Variants in COG5 observed in about 807,000 individuals in gnomAD.
The protein encoded by COG5 is conserved oligomeric Golgi complex subunit 5.
COG5 carries 86 observed loss-of-function variants against 110.4 expected under a neutral mutation model. That is an observed-to-expected ratio of 0.78 (90% CI 0.65 to 0.93). COG5 has a LOEUF of 0.93. Among genes scored for constraint, COG5 ranks in the 40% least tolerant of loss-of-function variants. The pLI, the probability that COG5 is intolerant of heterozygous loss-of-function variation, is 0.00. For missense variants in COG5, 1,077 were observed against 987.0 expected, an observed-to-expected ratio of 1.09 and a Z score of -1.22; for synonymous variants, 360 against 334.6, an observed-to-expected ratio of 1.08 and a Z score of -0.83.
At chr7:107,545,601 G>A (rs1447187054) in intron 5 of COG5, among the ~76,000 whole-genome samples, 9 of 151,952 alleles carry the variant, frequency 5.9e-5, no homozygotes, top group Admixed American at 1.3e-4. Flanking sequence ...CCAAGAAGGC[G>A]AAATGCCATC....
intron 11 of COG5, among the ~76,000 whole-genome samples, chr7:107,320,954 C>T (rs1017429438): frequency 6.6e-6 from 1 of 152,148 alleles, no homozygotes; most frequent in African/African-American, 2.4e-5. Flanking sequence ...ACCCCCACCT[C>T]CCAGTAATGA....
chr7:107,315,867 G>A (rs936961758), intron 11 of COG5, among the ~76,000 whole-genome samples: 5 of 152,156 alleles, frequency 3.3e-5, no homozygotes, highest in African/African-American at 1.2e-4. Flanking sequence ...GGTATTAGAA[G>A]TAGCAGGCTA....
At chr7:107,210,284 G>C (rs113038919) in intron 21 of COG5, 1 of 1,403,246 alleles carries the variant, frequency 7.1e-7, no homozygotes, top group Admixed American at 2.9e-5. Context: ...GGGTTGCATG[G>C]GACACAGGAT....
At chr7:107,425,637 G>A (rs1329011202) in intron 6 of COG5, among the ~76,000 whole-genome samples, 2 of 151,974 alleles carry the variant, frequency 1.3e-5, no homozygotes, top group Non-Finnish European at 2.9e-5. Context: ...CAAATTTTAA[G>A]GGCTTTAAGT....
At chr7:107,444,429 C>CA in intron 6 of COG5, among the ~76,000 whole-genome samples, 1 of 152,092 alleles carries the variant, frequency 6.6e-6, no homozygotes, top group Non-Finnish European at 1.5e-5. Context: ...CCAAATGGTT[C>CA]AGGATTTTAT....
chr7:107,447,677 T>C (rs911617181), intron 6 of COG5, among the ~76,000 whole-genome samples: 1 of 152,180 alleles, frequency 6.6e-6, no homozygotes, highest in African/African-American at 2.4e-5. Flanking sequence ...ATATTATCTA[T>C]AAGATGAAAC....
At chr7:107,545,779 C>CAAAAAAAAA (rs59515448) in intron 5 of COG5, among the ~76,000 whole-genome samples, 139 of 69,592 alleles carry the variant, frequency 2.0e-3, no homozygotes, top group Non-Finnish European at 2.4e-3. Flanking sequence ...GACTCCATCT[C>CAAAAAAAAA]AAAAAAAAAA....
chr7:107,288,933 T>C (rs867887145), intron 12 of COG5, among the ~76,000 whole-genome samples: 1 of 108,194 alleles, frequency 9.2e-6, no homozygotes, highest in Non-Finnish European at 1.7e-5. Context: ...TATATATATA[T>C]ATATATATAT....
intron 7 of COG5, among the ~76,000 whole-genome samples, chr7:107,396,672 G>T (rs1791039428): frequency 6.6e-6 from 1 of 151,888 alleles, no homozygotes; most frequent in African/African-American, 2.4e-5. Flanking sequence ...TGATCAATAT[G>T]GAGAAGAAGA....
chr7:107,532,785 C>G (rs1182549055), intron 5 of COG5, among the ~76,000 whole-genome samples: 1 of 152,108 alleles, frequency 6.6e-6, no homozygotes, highest in African/African-American at 2.4e-5. Context: ...AATACCTGAG[C>G]AACAAAACAA....
At chr7:107,390,455 A>T (rs1189439244) in intron 7 of COG5, among the ~76,000 whole-genome samples, 2 of 152,130 alleles carry the variant, frequency 1.3e-5, no homozygotes, top group Non-Finnish European at 2.9e-5. Flanking sequence ...AATTAAACTG[A>T]AACTAGTAGC....
At chr7:107,519,968 C>T (rs549992613) in intron 6 of COG5, among the ~76,000 whole-genome samples, 27 of 152,110 alleles carry the variant, frequency 1.8e-4, no homozygotes, top group Non-Finnish European at 2.2e-4. Context: ...GCTTCATCCA[C>T]GGGATGCAAG....
At chr7:107,258,450 T>C (rs113762913) in intron 14 of COG5, 67 bp from the exon 15 acceptor site, 5 of 703,684 alleles carry the variant, frequency 7.1e-6, no homozygotes, top group Non-Finnish European at 1.3e-5. Flanking sequence ...TCTCTCTCTC[T>C]CACACACACA....
intron 2 of COG5, among the ~76,000 whole-genome samples, chr7:107,557,472 A>C (rs919326515): frequency 1.3e-5 from 2 of 152,206 alleles, no homozygotes; most frequent in African/African-American, 2.4e-5. Context: ...AGACTCAAAG[A>C]CTTTAAGTGA....
intron 6 of COG5, among the ~76,000 whole-genome samples, chr7:107,511,890 A>G (rs983360015): frequency 1.3e-5 from 2 of 152,182 alleles, no homozygotes; most frequent in African/African-American, 2.4e-5. Flanking sequence ...TTGATGGGAC[A>G]TATCTCAAAA....
chr7:107,284,483 A>G (rs11764448), intron 12 of COG5, among the ~76,000 whole-genome samples: 23,848 of 152,148 alleles, frequency 0.16, 2,331 homozygotes, highest in Non-Finnish European at 0.22. Context: ...AAGCTCACTG[A>G]CTGAGAGGGA....
intron 6 of COG5, among the ~76,000 whole-genome samples, chr7:107,502,587 G>A (rs1269227898): frequency 6.6e-6 from 1 of 151,990 alleles, no homozygotes; most frequent in Non-Finnish European, 1.5e-5. Flanking sequence ...GTTCTTTAAG[G>A]AATCTCCATA....
At chr7:107,386,964 G>C (rs757194440) in intron 7 of COG5, among the ~76,000 whole-genome samples, 8 of 152,124 alleles carry the variant, frequency 5.3e-5, no homozygotes, top group Non-Finnish European at 7.4e-5. Context: ...AAATAACAAA[G>C]AGGAAATGGA....
At chr7:107,499,209 G>T (rs547420956) in intron 6 of COG5, among the ~76,000 whole-genome samples, 2 of 152,136 alleles carry the variant, frequency 1.3e-5, no homozygotes, top group South Asian at 2.1e-4. Flanking sequence ...AGATAAGTAA[G>T]TTCTAGAGAT....
Sources: gnomAD v4.1 joint callset for allele counts (sites outside exome capture counted in the v4.1 genomes callset) on GRCh38, gnomAD v4.1.1 for gene constraint, MANE v1.5 for transcripts, NCBI Gene and HGNC (gene_info 2026-07-23, HGNC 2026-07-21) for gene names.